Variants in GRIK2 observed in about 807,000 individuals in gnomAD.
GRIK2 encodes the protein glutamate receptor ionotropic, kainate 2.
In GRIK2, 32 loss-of-function variants were observed where a neutral mutation model predicts 100.3. That is an observed-to-expected ratio of 0.32 (90% CI 0.24 to 0.43). The LOEUF is 0.43. GRIK2 is among the 20% of genes least tolerant of loss of function. GRIK2 has a pLI of 1.00. For synonymous variants in GRIK2, 417 were observed against 389.4 expected (o/e 1.07, Z -0.83); for missense variants, 843 against 1,114.9 (o/e 0.76, Z 3.47).
At chr6:102,054,145 G>T (rs1248992711) in intron 15 of GRIK2, among the ~76,000 whole-genome samples, 2 of 152,154 alleles carry the variant, frequency 1.3e-5, no homozygotes, top group Non-Finnish European at 2.9e-5. Flanking sequence ...GTAGAGAAAA[G>T]ATGATGTTAA....
At chr6:101,605,205 G>T (rs1285713049) in intron 2 of GRIK2, among the ~76,000 whole-genome samples, 2 of 151,902 alleles carry the variant, frequency 1.3e-5, no homozygotes. Context: ...TGGCTATATT[G>T]TATCCCTGCT....
chr6:101,492,932 A>C (rs1773216602), intron 2 of GRIK2, among the ~76,000 whole-genome samples: 2 of 151,998 alleles, frequency 1.3e-5, no homozygotes, highest in South Asian at 4.1e-4. Flanking sequence ...ACAAGAAAAA[A>C]AGACTATCAG....
intron 7 of GRIK2, among the ~76,000 whole-genome samples, chr6:101,794,321 A>G (rs538427761): frequency 2.6e-5 from 4 of 152,262 alleles, no homozygotes; most frequent in African/African-American, 7.2e-5. Context: ...TGGGAGCTGT[A>G]GACCGGAGCT....
At chr6:101,551,438 T>C (rs1776503550) in intron 2 of GRIK2, among the ~76,000 whole-genome samples, 1 of 152,184 alleles carries the variant, frequency 6.6e-6, no homozygotes, top group South Asian at 2.1e-4. Context: ...GAACTAGAAA[T>C]TGAGGGTGGG....
intron 2 of GRIK2, among the ~76,000 whole-genome samples, chr6:101,414,724 G>A (rs936824654): frequency 2.6e-5 from 4 of 152,154 alleles, no homozygotes; most frequent in Non-Finnish European, 5.9e-5. Flanking sequence ...TGTTGCACAC[G>A]TCATTTTACC....
At chr6:101,706,034 A>G (rs1773271853) in intron 7 of GRIK2, among the ~76,000 whole-genome samples, 1 of 151,874 alleles carries the variant, frequency 6.6e-6, no homozygotes, top group Non-Finnish European at 1.5e-5. Flanking sequence ...GATCTTTAGC[A>G]GCTCTGTATT....
At chr6:101,525,585 A>G (rs1775111415) in intron 2 of GRIK2, among the ~76,000 whole-genome samples, 2 of 152,216 alleles carry the variant, frequency 1.3e-5, no homozygotes, top group Admixed American at 6.5e-5. Context: ...TGATACATTT[A>G]AAGGACCCAT....
intron 2 of GRIK2, among the ~76,000 whole-genome samples, chr6:101,432,122 A>C (rs997680770): frequency 4.6e-5 from 7 of 152,286 alleles, no homozygotes; most frequent in South Asian, 2.1e-4. Flanking sequence ...CTCCCTGCAG[A>C]TACCCCATGC....
chr6:102,054,281 G>A (rs1009510813), intron 15 of GRIK2, among the ~76,000 whole-genome samples: 12 of 152,262 alleles, frequency 7.9e-5, no homozygotes, highest in African/African-American at 2.9e-4. Flanking sequence ...ATGTATAGAT[G>A]TGGACACATT....
At chr6:101,403,759 A>G (rs1262875202) in intron 2 of GRIK2, among the ~76,000 whole-genome samples, 1 of 152,232 alleles carries the variant, frequency 6.6e-6, no homozygotes, top group African/African-American at 2.4e-5. Context: ...ATCTGGAAGC[A>G]GGAAAACTGA....
chr6:101,868,228 T>C (rs1339776475), intron 11 of GRIK2, among the ~76,000 whole-genome samples: 2 of 150,798 alleles, frequency 1.3e-5, no homozygotes, highest in African/African-American at 4.9e-5. Flanking sequence ...AGCTTCAATG[T>C]CTTCTTAAAT....
rs1741519793 is a variant in GRIK2, at chr6:101,915,448, T to C, written c.1749-9153T>C. Among the ~76,000 whole-genome samples the C allele has an allele frequency of 2.0e-5, 3 of 151,452 alleles. No homozygotes were observed. The South Asian group carries it at 6.2e-4, about 31-fold the overall frequency. On this transcript the variant is annotated intron_variant, in intron 12 of 16. Transcript: ENST00000369134. ...AAAGTGAAGTGGTACTTGCTGAATA[T>C]AAGAAGATCACACAGTTTCACAGGA...
chr6:101,478,327 T>C (rs1440072356), intron 2 of GRIK2, among the ~76,000 whole-genome samples: 2 of 152,032 alleles, frequency 1.3e-5, no homozygotes, highest in Non-Finnish European at 2.9e-5. Flanking sequence ...GTCCTGTGTA[T>C]TATAGTGAAG....
intron 2 of GRIK2, among the ~76,000 whole-genome samples, chr6:101,420,370 T>A (rs2128240110): frequency 6.6e-6 from 1 of 152,354 alleles, no homozygotes; most frequent in South Asian, 2.1e-4. Flanking sequence ...GATTTGTTCA[T>A]AAATATTAAC....
intron 14 of GRIK2, among the ~76,000 whole-genome samples, chr6:101,937,856 A>C (rs775260435): frequency 2.0e-4 from 31 of 152,126 alleles, no homozygotes; most frequent in Non-Finnish European, 3.8e-4. Flanking sequence ...ATTAATTACA[A>C]GGTGAATATC....
chr6:101,979,867 GTCC>G (rs1793610678), intron 14 of GRIK2, among the ~76,000 whole-genome samples: 1 of 152,082 alleles, frequency 6.6e-6, no homozygotes, highest in South Asian at 2.1e-4. Context: ...CTTAGTCTCT[GTCC>G]TCCTGCTGCA....
At chr6:101,793,390 G>A (rs1780035656) in intron 7 of GRIK2, among the ~76,000 whole-genome samples, 1 of 152,086 alleles carries the variant, frequency 6.6e-6, no homozygotes, top group Non-Finnish European at 1.5e-5. Flanking sequence ...GTTTTGGTGT[G>A]GATGTCCTTT....
intron 15 of GRIK2, among the ~76,000 whole-genome samples, chr6:102,041,923 G>A (rs971728415): frequency 3.3e-5 from 5 of 151,436 alleles, no homozygotes; most frequent in East Asian, 1.9e-4. Context: ...ATATATAGCC[G>A]AGAAAGCAGA....
chr6:101,563,427 GTGTTGTCCTATAT>G (rs58051692), intron 2 of GRIK2, among the ~76,000 whole-genome samples: 8 of 152,206 alleles, frequency 5.3e-5, no homozygotes, highest in African/African-American at 1.9e-4. Flanking sequence ...TTGAAACATT[GTGTTGTCCTATAT>G]TGTACCATGT....
Sources: allele counts gnomAD v4.1 joint callset (sites outside exome capture counted in the v4.1 genomes callset), GRCh38; gene constraint gnomAD v4.1.1; transcripts MANE v1.5; gene names NCBI Gene and HGNC (gene_info 2026-07-23, HGNC 2026-07-21).